Variants in MMP26 observed in about 807,000 individuals in gnomAD.
MMP26 encodes matrix metalloproteinase-26.
Under a neutral mutation model 31.0 loss-of-function variants are expected in MMP26, and 33 were observed. The ratio of observed to expected loss-of-function variants is 1.06; its 90% CI spans 0.81 to 1.42. The LOEUF (loss-of-function observed/expected upper bound fraction) is 1.42. Among genes scored for constraint, MMP26 ranks in the 40% most tolerant of loss-of-function variants. The pLI is 0.00. For synonymous variants in MMP26, 122 were observed against 114.9 expected (o/e 1.06, Z -0.40); for missense variants, 347 against 316.1 (o/e 1.10, Z -0.74).
chr11:4,730,856 G>A (rs1365251785), intron 1 of MMP26, among the ~76,000 whole-genome samples: 1 of 152,162 alleles, frequency 6.6e-6, no homozygotes, highest in African/African-American at 2.4e-5. Context: ...GAGGTATGCT[G>A]GGACATCTCT....
chr11:4,958,584 C>T (rs1196665045), intron 2 of MMP26, among the ~76,000 whole-genome samples: 1 of 152,172 alleles, frequency 6.6e-6, no homozygotes, highest in Non-Finnish European at 1.5e-5. Flanking sequence ...TCTCTATCAT[C>T]TATCATTTAT....
intron 1 of MMP26, among the ~76,000 whole-genome samples, chr11:4,744,318 C>T (rs998407018): frequency 6.6e-6 from 1 of 152,136 alleles, no homozygotes; most frequent in African/African-American, 2.4e-5. Context: ...TAATAAAATA[C>T]TAGGACATTT....
chr11:4,803,609 C>A (rs1386961223), intron 2 of MMP26: 1 of 1,613,784 alleles, frequency 6.2e-7, no homozygotes, highest in Admixed American at 1.7e-5. Flanking sequence ...GAAAAAAGGG[C>A]TGGGATATAA....
chr11:4,779,702 G>T (rs1056038057), intron 2 of MMP26, among the ~76,000 whole-genome samples: 2 of 151,954 alleles, frequency 1.3e-5, no homozygotes, highest in African/African-American at 4.8e-5. Context: ...CTATTTTTAA[G>T]AAAATGTCAA....
intron 1 of MMP26, among the ~76,000 whole-genome samples, chr11:4,721,252 G>A (rs1848008415): frequency 6.6e-6 from 1 of 152,072 alleles, no homozygotes; most frequent in Non-Finnish European, 1.5e-5. Context: ...GTTTTATTAG[G>A]TACTCCATCC....
Position 4,869,165 on chromosome 11 carries a change from A to T in MMP26, c.-145+101824A>T, listed in dbSNP as rs143115506. Among the ~76,000 whole-genome samples, 1,199 of 152,220 alleles carry T rather than the reference A, an allele frequency of 7.9e-3. 11 individuals carry two copies. Among genetic ancestry groups the T allele is most frequent in the African/African-American group, 0.027 (1,136 of 41,556 alleles). On this transcript the variant is annotated intron_variant, in intron 2 of 7. Transcript: ENST00000380390. ...TCAGGATATAGGCATGGGCAAGGAC[A>T]TCATGTCTAAAACACCAAAAGCAAT...
intron 2 of MMP26, chr11:4,882,490 C>T: frequency 6.2e-7 from 1 of 1,613,962 alleles, no homozygotes; most frequent in Non-Finnish European, 8.5e-7. Context: ...CTTGGATCAG[C>T]AGTTTTTGGG....
In MMP26 at chr11:4,804,570, G is replaced by A. The variant is rs143152970; in HGVS notation, c.-145+37229G>A. 5.2e-6 allele frequency: 4 copies of A among 770,204 alleles called. No individual in the cohort carries two copies. The African/African-American group carries it at 6.8e-5, about 13-fold the overall frequency. The allele number at this position is 770,204 out of a possible 1,614,324, so 47.7% of individuals were successfully genotyped here. A position where few individuals can be genotyped will look rare whatever the true frequency, so the allele number is the denominator to read the frequency against. On this transcript the variant is annotated intron_variant, in intron 2 of 7. Transcript: ENST00000380390. ...ATAATATGTTACAACATGACATGAT[G>A]TTACTGTTGTTTTTCGTACTTATGT...
In MMP26 at chr11:4,914,907, C is replaced by T. The variant is rs780978252; in HGVS notation, c.-144-73161C>T. The T allele has an allele frequency of 1.9e-6, 3 of 1,614,102 alleles. No individual in the cohort carries two copies. The South Asian group carries it at 3.3e-5, about 18-fold the overall frequency. ...ATCATGGGAGTGTAGAAGAGCAGCACAGCACAGATGTGGGAAACACAGGTG... is the reference window on the plus strand; with the variant it reads ...ATCATGGGAGTGTAGAAGAGCAGCATAGCACAGATGTGGGAAACACAGGTG... On this transcript the variant is annotated intron_variant, in intron 2 of 7. Coordinates refer to ENST00000380390, the MANE Select transcript of MMP26 (RefSeq NM_021801.5).
At chr11:4,763,864 A>G (rs1489016073) in intron 1 of MMP26, among the ~76,000 whole-genome samples, 2 of 152,192 alleles carry the variant, frequency 1.3e-5, no homozygotes, top group Admixed American at 1.3e-4. Context: ...AATAGTATGT[A>G]GCACTATTTG....
intron 1 of MMP26, among the ~76,000 whole-genome samples, chr11:4,764,563 A>G (rs1015249615): frequency 1.3e-5 from 2 of 152,162 alleles, no homozygotes; most frequent in Non-Finnish European, 2.9e-5. Flanking sequence ...TTTCTGAGCT[A>G]CAAAAAATCT....
chr11:4,799,989 G>T (rs1418342374), intron 2 of MMP26, among the ~76,000 whole-genome samples: 1 of 152,216 alleles, frequency 6.6e-6, no homozygotes, highest in Non-Finnish European at 1.5e-5. Flanking sequence ...TGGTCCCTGT[G>T]ACTGCTCTCA....
chr11:4,779,997 T>C lies in MMP26; in HGVS notation c.-145+12656T>C, dbSNP rs1848837176. 3.3e-5 allele frequency among the ~76,000 whole-genome samples: 5 copies of C among 152,140 alleles called. No homozygotes were observed. The South Asian group carries it at 1.0e-3, about 31-fold the overall frequency. On this transcript the variant is annotated intron_variant, in intron 2 of 7. Coordinates refer to ENST00000380390, the MANE Select transcript of MMP26 (RefSeq NM_021801.5). Reference sequence around the variant, plus strand: ...CTCAATGTTGAAATGAGTGATTGTATATTCATCCATGTTGCTGTATGTAGT... The same window carrying C: ...CTCAATGTTGAAATGAGTGATTGTACATTCATCCATGTTGCTGTATGTAGT...
chr11:4,988,710 T>G (rs1005884261), intron 3 of MMP26, among the ~76,000 whole-genome samples: 2 of 152,172 alleles, frequency 1.3e-5, no homozygotes, highest in African/African-American at 2.4e-5. Flanking sequence ...AATCTCCCAG[T>G]CGGTCTACCA....
chr11:4,991,293 C>T, intron 5 of MMP26, 78 bp from the exon 6 acceptor site: 1 of 1,512,262 alleles, frequency 6.6e-7, no homozygotes, highest in South Asian at 1.3e-5. Flanking sequence ...TCCTAAGTCT[C>T]TGAGGCTTAC....
intron 2 of MMP26, among the ~76,000 whole-genome samples, chr11:4,978,169 C>A (rs1174412158): frequency 6.6e-6 from 1 of 152,070 alleles, no homozygotes; most frequent in African/African-American, 2.4e-5. Flanking sequence ...CCCAAGGCCT[C>A]CCCAGCCATG....
chr11:4,933,090 T>G (rs1413233282), intron 2 of MMP26, among the ~76,000 whole-genome samples: 1 of 152,074 alleles, frequency 6.6e-6, no homozygotes, highest in Non-Finnish European at 1.5e-5. Context: ...CGAAAATGCC[T>G]CTGTGGAATA....
intron 2 of MMP26, chr11:4,923,942 T>C (rs1424243381): frequency 1.2e-6 from 2 of 1,614,006 alleles, no homozygotes; most frequent in African/African-American, 2.7e-5. Flanking sequence ...GGTGGAGTCA[T>C]GCAGTGGGTT....
chr11:4,982,950 C>G (rs1387313015), intron 2 of MMP26, among the ~76,000 whole-genome samples: 1 of 152,208 alleles, frequency 6.6e-6, no homozygotes, highest in African/African-American at 2.4e-5. Context: ...TAAGATCTCA[C>G]TCCAATTAGC....
Sources: allele counts gnomAD v4.1 joint callset (sites outside exome capture counted in the v4.1 genomes callset), GRCh38; gene constraint gnomAD v4.1.1; transcripts MANE v1.5; gene names NCBI Gene and HGNC (gene_info 2026-07-23, HGNC 2026-07-21).